Variants in MAGI2 observed in about 807,000 individuals in gnomAD.
MAGI2 encodes membrane associated guanylate kinase, WW and PDZ domain containing 2, also known as membrane-associated guanylate kinase, WW and PDZ domain-containing protein 2.
In MAGI2, 35 loss-of-function variants were observed where a neutral mutation model predicts 133.3. That is an observed-to-expected ratio of 0.26 (90% confidence interval 0.20 to 0.35). The LOEUF (loss-of-function observed/expected upper bound fraction) is 0.35, where lower values mean the gene tolerates loss of function less well. MAGI2 is among the 10% of genes least tolerant of loss of function. MAGI2 has a pLI of 1.00. For synonymous variants in MAGI2, 729 were observed against 710.6 expected, an observed-to-expected ratio of 1.03 and a Z score of -0.41; for missense variants, 1,636 against 1,863.4, an observed-to-expected ratio of 0.88 and a Z score of 2.25.
At chr7:79,049,105 G>A (rs1008409084) in intron 1 of MAGI2, among the ~76,000 whole-genome samples, 1 of 152,088 alleles carries the variant, frequency 6.6e-6, no homozygotes, top group South Asian at 2.1e-4. Flanking sequence ...GGAAGTTATT[G>A]CTTTCATAAT....
At chr7:78,573,247 A>AT (rs1801794540) in intron 3 of MAGI2, among the ~76,000 whole-genome samples, 1 of 44,836 alleles carries the variant, frequency 2.2e-5, no homozygotes, top group Non-Finnish European at 3.7e-5. Context: ...TATATATATA[A>AT]ATATATATAA....
At position 78,419,404 on chromosome 7, in the gene MAGI2, T is replaced by TGTGC. The variant is rs1228615367; in HGVS notation, c.1046-50192_1046-50191insGCAC. 5.9e-5 allele frequency among the ~76,000 whole-genome samples: 9 copies of TGTGC among 151,656 alleles called. No individual in the cohort carries two copies. The East Asian group carries it at 1.2e-3, about 20-fold the overall frequency. ...TTAGTTAATATGCACCGAGCTTGTG[T>TGTGC]GTGTGTGTGTAAGGAGACACAGGAC... On this transcript the variant is annotated intron_variant, in intron 6 of 21. Coordinates refer to ENST00000354212, the MANE Select transcript of MAGI2 (RefSeq NM_012301.4).
chr7:78,437,831 A>G (rs572032498), intron 6 of MAGI2, among the ~76,000 whole-genome samples: 1 of 152,366 alleles, frequency 6.6e-6, no homozygotes, highest in South Asian at 2.1e-4. Flanking sequence ...TTTAATATAT[A>G]GGTAGAAAAT....
intron 2 of MAGI2, among the ~76,000 whole-genome samples, chr7:78,634,538 A>G (rs966458463): frequency 6.6e-6 from 1 of 152,224 alleles, no homozygotes; most frequent in Non-Finnish European, 1.5e-5. Context: ...TTCTAAAAAT[A>G]AGGAAAATAT....
chr7:78,215,401 C>T (rs1267208528), intron 10 of MAGI2, among the ~76,000 whole-genome samples: 1 of 152,066 alleles, frequency 6.6e-6, no homozygotes, highest in African/African-American at 2.4e-5. Context: ...TATCAGTTTG[C>T]TAGAAGCATC....
chr7:78,046,234 A>T (rs1162153592), intron 21 of MAGI2, among the ~76,000 whole-genome samples: 1 of 86,950 alleles, frequency 1.2e-5, no homozygotes, highest in Non-Finnish European at 2.3e-5. Flanking sequence ...TGTCTCTACT[A>T]AAAAAAAAAA....
intron 9 of MAGI2, among the ~76,000 whole-genome samples, chr7:78,260,486 C>T (rs1244162998): frequency 1.3e-5 from 2 of 152,154 alleles, no homozygotes; most frequent in African/African-American, 2.4e-5. Flanking sequence ...ATATCTCTTA[C>T]ATTTCCTCTT....
intron 1 of MAGI2, among the ~76,000 whole-genome samples, chr7:79,447,409 G>C (rs1050673658): frequency 6.6e-6 from 1 of 152,088 alleles, no homozygotes; most frequent in Admixed American, 6.5e-5. Flanking sequence ...TTGTATGTTT[G>C]TTGTCATAAT....
At chr7:78,281,745 A>G (rs917609816) in intron 9 of MAGI2, among the ~76,000 whole-genome samples, 5 of 152,188 alleles carry the variant, frequency 3.3e-5, no homozygotes, top group African/African-American at 1.2e-4. Flanking sequence ...ATCCTGAGGT[A>G]TTTTCCAGGT....
chr7:78,360,074 TTTTACCCAG>T (rs1792613396), intron 7 of MAGI2, among the ~76,000 whole-genome samples: 1 of 152,204 alleles, frequency 6.6e-6, no homozygotes. Flanking sequence ...TAGTAATGTA[TTTTACCCAG>T]TTAGGGTAAA....
At chr7:78,674,742 T>C (rs1814803374) in intron 2 of MAGI2, among the ~76,000 whole-genome samples, 1 of 152,106 alleles carries the variant, frequency 6.6e-6, no homozygotes, top group Non-Finnish European at 1.5e-5. Flanking sequence ...AACTATTCAA[T>C]GTTAAGGCCC....
intron 2 of MAGI2, among the ~76,000 whole-genome samples, chr7:78,779,807 T>C (rs1252162795): frequency 6.6e-6 from 1 of 152,196 alleles, no homozygotes; most frequent in Non-Finnish European, 1.5e-5. Context: ...GACTCTGCTA[T>C]GTGCAACATC....
intron 21 of MAGI2, among the ~76,000 whole-genome samples, chr7:78,062,417 C>T (rs1488472659): frequency 2.0e-5 from 3 of 152,218 alleles, no homozygotes; most frequent in East Asian, 3.9e-4. Flanking sequence ...CCTGGCATTG[C>T]GCCAGTCCTC....
chr7:78,507,593 C>T lies in MAGI2; in HGVS notation c.755-5806G>A, dbSNP rs914272339. 2.0e-5 allele frequency among the ~76,000 whole-genome samples: 3 copies of T among 152,268 alleles called. No individual in the cohort carries two copies. In the East Asian group the frequency reaches 5.8e-4, roughly 29 times the overall value. On this transcript the variant is annotated intron_variant, in intron 4 of 21. Coordinates refer to ENST00000354212, the MANE Select transcript of MAGI2 (RefSeq NM_012301.4). ...GGTGGAGAAGACATGTCTCCCCCAA[C>T]TCTGAGCAACTATATAGAGTACTAC...
At chr7:78,521,149 G>C (rs1259746571) in intron 4 of MAGI2, among the ~76,000 whole-genome samples, 6 of 151,724 alleles carry the variant, frequency 4.0e-5, no homozygotes, top group Admixed American at 6.6e-5. Context: ...TTATATAATT[G>C]AAATAAAAAA....
chr7:79,289,630 G>A (rs1351987275), intron 1 of MAGI2, among the ~76,000 whole-genome samples: 1 of 152,054 alleles, frequency 6.6e-6, no homozygotes, highest in Non-Finnish European at 1.5e-5. Context: ...AGTGGTAAAA[G>A]GCAAATAAGA....
intron 2 of MAGI2, among the ~76,000 whole-genome samples, chr7:79,004,805 G>A (rs772390292): frequency 5.3e-5 from 8 of 152,278 alleles, no homozygotes; most frequent in East Asian, 3.9e-4. Context: ...GAGTTGGGCC[G>A]GGCGTGGTGG....
At chr7:78,946,243 G>C (rs1801406584) in intron 2 of MAGI2, among the ~76,000 whole-genome samples, 1 of 151,998 alleles carries the variant, frequency 6.6e-6, no homozygotes, top group South Asian at 2.1e-4. Context: ...TCAGTCTTCA[G>C]GCTTTAAGTA....
At chr7:78,963,369 G>A (rs1308965516) in intron 2 of MAGI2, among the ~76,000 whole-genome samples, 1 of 152,064 alleles carries the variant, frequency 6.6e-6, no homozygotes, top group East Asian at 1.9e-4. Flanking sequence ...TTCAATTGGA[G>A]TAGTATTGTC....
Sources: allele counts gnomAD v4.1 joint callset (sites outside exome capture counted in the v4.1 genomes callset), GRCh38; gene constraint gnomAD v4.1.1; transcripts MANE v1.5; gene names NCBI Gene and HGNC (gene_info 2026-07-23, HGNC 2026-07-21).